Variants in MMP26 observed in about 807,000 individuals in gnomAD.
The protein encoded by MMP26 is matrix metalloproteinase-26.
In MMP26, 33 loss-of-function variants were observed where a neutral mutation model predicts 31.0. The ratio of observed to expected loss-of-function variants is 1.06; its 90% CI spans 0.81 to 1.42. The LOEUF (loss-of-function observed/expected upper bound fraction) is 1.42. MMP26 is among the 40% of genes most tolerant of loss of function. The probability of loss-of-function intolerance (pLI) is 0.00; values close to 1 mark genes in which losing one functional copy is unlikely to be tolerated. For missense variants in MMP26, 347 were observed against 316.1 expected (o/e 1.10, Z -0.74); for synonymous variants, 122 against 114.9 (o/e 1.06, Z -0.40).
chr11:4,737,872 T>C (rs774964500), intron 1 of MMP26, among the ~76,000 whole-genome samples: 1 of 152,236 alleles, frequency 6.6e-6, no homozygotes, highest in Non-Finnish European at 1.5e-5. Context: ...TGAATATTTG[T>C]TTAAAAACTC....
intron 2 of MMP26, among the ~76,000 whole-genome samples, chr11:4,772,406 C>T (rs887290409): frequency 1.7e-4 from 24 of 138,620 alleles, no homozygotes; most frequent in African/African-American, 4.3e-4. Flanking sequence ...AGAGGGAAAA[C>T]TTTACACCCA....
Position 4,721,347 on chromosome 11 carries a change from C to A in MMP26, c.-217+16302C>A, listed in dbSNP as rs368318051. Among the ~76,000 whole-genome samples the A allele has an allele frequency of 1.4e-3, 209 of 152,302 alleles. 5 individuals carry two copies. The South Asian group carries it at 0.041, about 30-fold the overall frequency. ...TTCACCAAGTATCATTACATACAAT[C>A]TTCTGAAAGCATGCTAGTTGACAAT... On this transcript the variant is annotated intron_variant, in intron 1 of 7. Coordinates refer to ENST00000380390, the MANE Select transcript of MMP26 (RefSeq NM_021801.5).
chr11:4,972,265 T>A (rs1296959676), intron 2 of MMP26, among the ~76,000 whole-genome samples: 1 of 152,118 alleles, frequency 6.6e-6, no homozygotes, highest in Non-Finnish European at 1.5e-5. Context: ...AAGGCCAAGT[T>A]GAGAACACAG....
intron 1 of MMP26, among the ~76,000 whole-genome samples, chr11:4,732,550 A>G (rs1718010357): frequency 1.3e-5 from 2 of 149,472 alleles, no homozygotes; most frequent in South Asian, 4.2e-4. Context: ...TCAAAAAAAA[A>G]AAAAAAAAAA....
chr11:4,710,372 G>A (rs1847845533), intron 1 of MMP26: 1 of 456,772 alleles, frequency 2.2e-6, no homozygotes, highest in South Asian at 1.5e-5. Flanking sequence ...GATTTGGAAA[G>A]CATGCCCCTC....
chr11:4,817,017 G>A (rs980399836), intron 2 of MMP26, among the ~76,000 whole-genome samples: 14 of 151,800 alleles, frequency 9.2e-5, no homozygotes, highest in Non-Finnish European at 1.3e-4. Context: ...GACATAGGTT[G>A]ATGTGTCATT....
At chr11:4,784,061 A>G (rs745832161) in intron 2 of MMP26, among the ~76,000 whole-genome samples, 3 of 152,264 alleles carry the variant, frequency 2.0e-5, no homozygotes, top group Non-Finnish European at 2.9e-5. Context: ...TCTGAAGTGC[A>G]GGCGAGGCTT....
chr11:4,803,733 G>C (rs963741436), intron 2 of MMP26: 1 of 1,613,728 alleles, frequency 6.2e-7, no homozygotes, highest in Admixed American at 1.7e-5. Context: ...ACATACCAAT[G>C]ACAATCATAT....
intron 2 of MMP26, among the ~76,000 whole-genome samples, chr11:4,783,440 G>A (rs544143365): frequency 6.6e-6 from 1 of 152,194 alleles, no homozygotes; most frequent in Admixed American, 6.5e-5. Context: ...TACCCCCATT[G>A]TACCTAGCAA....
chr11:4,735,561 G>T lies in MMP26; in HGVS notation c.-217+30516G>T, dbSNP rs193188094. Among the ~76,000 whole-genome samples, 3 of 152,244 alleles carry T rather than the reference G, an allele frequency of 2.0e-5. No individual in the cohort carries two copies. The East Asian group carries it at 5.8e-4, about 29-fold the overall frequency. ...TATATTCTTATTACTCCTGTTGCCA[G>T]TATCTATATATCCTAACATATTACA... On this transcript the variant is annotated intron_variant, in intron 1 of 7. Transcript: ENST00000380390.
At chr11:4,916,286 T>C (rs563483538) in intron 2 of MMP26, among the ~76,000 whole-genome samples, 2 of 152,252 alleles carry the variant, frequency 1.3e-5, no homozygotes, top group African/African-American at 4.8e-5. Flanking sequence ...AGCAGCATAC[T>C]CCTTGTGTTG....
At chr11:4,889,670 G>C (rs926022035) in intron 2 of MMP26, 1 of 152,298 alleles carries the variant, frequency 6.6e-6, no homozygotes, top group Non-Finnish European at 1.5e-5. Flanking sequence ...ATAAGAGGTG[G>C]CACTAGCAAG....
At chr11:4,972,298 A>T (rs534553097) in intron 2 of MMP26, among the ~76,000 whole-genome samples, 5 of 152,318 alleles carry the variant, frequency 3.3e-5, no homozygotes, top group Admixed American at 3.3e-4. Context: ...TGGGTAGAGG[A>T]GATAGTCTTT....
chr11:4,853,667 A>G (rs1850006184), intron 2 of MMP26, among the ~76,000 whole-genome samples: 1 of 152,194 alleles, frequency 6.6e-6, no homozygotes, highest in African/African-American at 2.4e-5. Context: ...TCCTACTAAA[A>G]AATGCCAAGG....
chr11:4,745,504 A>T (rs1315817978), intron 1 of MMP26, among the ~76,000 whole-genome samples: 1 of 152,214 alleles, frequency 6.6e-6, no homozygotes, highest in African/African-American at 2.4e-5. Context: ...GAATTCCCAT[A>T]TATGCCTCCC....
At chr11:4,930,476 C>G (rs1851331872) in intron 2 of MMP26, among the ~76,000 whole-genome samples, 1 of 152,088 alleles carries the variant, frequency 6.6e-6, no homozygotes, top group Non-Finnish European at 1.5e-5. Flanking sequence ...CATCTTTGCT[C>G]ATGAGCTCCC....
Position 4,804,303 on chromosome 11 carries a change from G to A in MMP26, c.-145+36962G>A, listed in dbSNP as rs1319210864. 1.9e-6 allele frequency: 3 copies of A among 1,613,988 alleles called. No individual in the cohort carries two copies. The African/African-American group carries it at 4.0e-5, about 22-fold the overall frequency. The stretch of plus-strand genomic sequence containing the variant: ...AGAACGGAAAGGCAATCCACAACTG[G>A]AAACTCTCCAGGCCTGGGATTCCAA... On this transcript the variant is annotated intron_variant, in intron 2 of 7. Coordinates refer to ENST00000380390, the MANE Select transcript of MMP26 (RefSeq NM_021801.5).
chr11:4,829,563 G>A (rs770694517), intron 2 of MMP26, among the ~76,000 whole-genome samples: 2 of 150,938 alleles, frequency 1.3e-5, no homozygotes, highest in Non-Finnish European at 1.5e-5. Context: ...CCTTCTGAAC[G>A]TGAGGGTCTG....
chr11:4,760,808 C>G (rs1279048737), intron 1 of MMP26, among the ~76,000 whole-genome samples: 1 of 152,086 alleles, frequency 6.6e-6, no homozygotes, highest in Non-Finnish European at 1.5e-5. Flanking sequence ...ACTTAAGAGA[C>G]ACAATAGAAT....
Sources: gnomAD v4.1 joint callset for allele counts (sites outside exome capture counted in the v4.1 genomes callset) on GRCh38, gnomAD v4.1.1 for gene constraint, MANE v1.5 for transcripts, NCBI Gene and HGNC (gene_info 2026-07-23, HGNC 2026-07-21) for gene names.